The following CAST variants were observed in gnomAD, a reference collection of about 807,000 sequenced individuals.
CAST encodes the protein MIR583 host.
A neutral mutation model predicts 119.6 loss-of-function variants in CAST; 76 were observed. The observed-to-expected ratio is 0.64, with a 90% CI of 0.53 to 0.77. CAST has a LOEUF of 0.77. Among genes scored for constraint, CAST ranks in the 30% least tolerant of loss-of-function variants. CAST has a pLI of 0.00. For missense variants in CAST, 953 were observed against 946.5 expected, an observed-to-expected ratio of 1.01 and a Z score of -0.09; for synonymous variants, 319 against 331.6, an observed-to-expected ratio of 0.96 and a Z score of 0.41.
the CAST span, among the ~76,000 whole-genome samples, chr5:96,515,714 C>A: frequency 6.6e-6 from 1 of 152,124 alleles, no homozygotes; most frequent in Non-Finnish European, 1.5e-5. Context: ...TACCAGAGAG[C>A]AAGAGACAGG....
chr5:96,440,938 T>C, the CAST span, among the ~76,000 whole-genome samples: 1 of 152,144 alleles, frequency 6.6e-6, no homozygotes, highest in Non-Finnish European at 1.5e-5. Flanking sequence ...TAAGCACAGA[T>C]ATAAGAGCAG....
At chr5:96,487,084 A>G in the CAST span, among the ~76,000 whole-genome samples, 1 of 151,392 alleles carries the variant, frequency 6.6e-6, no homozygotes, top group African/African-American at 2.4e-5. Flanking sequence ...GTTGTTGTAA[A>G]GATTGGAGAG....
intron 20 of CAST, among the ~76,000 whole-genome samples, chr5:96,752,008 G>A (rs920367435): frequency 3.3e-5 from 5 of 152,134 alleles, no homozygotes; most frequent in African/African-American, 7.2e-5. Context: ...ACCCTCGAAC[G>A]CCAGAAAGAA....
At chr5:96,669,435 A>G (rs574607530) in intron 1 of CAST, among the ~76,000 whole-genome samples, 56 of 152,312 alleles carry the variant, frequency 3.7e-4, no homozygotes, top group African/African-American at 1.3e-3. Context: ...TGGTCATTCA[A>G]TCAAGAATTC....
chr5:96,397,114 G>A, the CAST span, among the ~76,000 whole-genome samples: 1 of 152,108 alleles, frequency 6.6e-6, no homozygotes, highest in Non-Finnish European at 1.5e-5. Context: ...TTATATAAGT[G>A]TTTTTCCCCC....
At chr5:96,101,962 G>T in the CAST span, among the ~76,000 whole-genome samples, 3 of 152,168 alleles carry the variant, frequency 2.0e-5, no homozygotes, top group Non-Finnish European at 4.4e-5. Flanking sequence ...CAGGCTTTGT[G>T]TGAGCCCTGT....
chr5:96,652,909 A>C (rs1353855068), intron 1 of CAST, among the ~76,000 whole-genome samples: 1 of 152,144 alleles, frequency 6.6e-6, no homozygotes, highest in African/African-American at 2.4e-5. Context: ...GGTTTGGGAG[A>C]GGTAGCTAGG....
chr5:96,585,706 A>T (rs939365674), intron 1 of CAST, among the ~76,000 whole-genome samples: 1 of 152,186 alleles, frequency 6.6e-6, no homozygotes, highest in Non-Finnish European at 1.5e-5. Flanking sequence ...TCACCCAACA[A>T]CTCATAAAAA....
At chr5:96,535,379 T>A (rs943252002) in intron 1 of CAST, among the ~76,000 whole-genome samples, 1 of 91,718 alleles carries the variant, frequency 1.1e-5, no homozygotes, top group African/African-American at 3.6e-5. Flanking sequence ...GAAGCAAAGA[T>A]AAAATGTAAA....
rs867576292 is a variant in CAST at position 96,731,448 on chromosome 5, T to A, written c.630+588T>A. On this transcript the variant is annotated intron_variant, in intron 9 of 31. Coordinates refer to ENST00000675179, the MANE Select transcript of CAST (RefSeq NM_001750.7). The stretch of plus-strand genomic sequence containing the variant: ...TTTTCTACCCATAGCAATATAGAAT[T>A]TTTTTTTTTACCTTATCCTTTAAGG... 9.3e-5 allele frequency among the ~76,000 whole-genome samples: 14 copies of A among 149,998 alleles called. 1 individual carries two copies. The highest frequency in any genetic ancestry group is 3.2e-4 in the African/African-American group (13 of 40,960).
At chr5:96,432,506 G>A in the CAST span, among the ~76,000 whole-genome samples, 1 of 152,198 alleles carries the variant, frequency 6.6e-6, no homozygotes, top group African/African-American at 2.4e-5. Flanking sequence ...GCTTCTCCCG[G>A]GGGCGCTTGG....
At chr5:96,607,377 C>A (rs961857127) in intron 1 of CAST, among the ~76,000 whole-genome samples, 1 of 152,202 alleles carries the variant, frequency 6.6e-6, no homozygotes, top group East Asian at 1.9e-4. Context: ...AAAGCCACAG[C>A]ACTTTTCACT....
At chr5:96,297,880 G>A in the CAST span, among the ~76,000 whole-genome samples, 1 of 152,096 alleles carries the variant, frequency 6.6e-6, no homozygotes, top group Non-Finnish European at 1.5e-5. Flanking sequence ...TTTCTAAATA[G>A]AATGCTTGTA....
intron 1 of CAST, among the ~76,000 whole-genome samples, chr5:96,629,843 T>C (rs999744997): frequency 4.6e-5 from 7 of 152,252 alleles, no homozygotes; most frequent in Admixed American, 4.6e-4. Flanking sequence ...ACAGCACTTA[T>C]TTAGTGTTGA....
the CAST span, among the ~76,000 whole-genome samples, chr5:95,963,727 T>A: frequency 2.1e-5 from 3 of 143,958 alleles, no homozygotes; most frequent in Non-Finnish European, 3.1e-5. Flanking sequence ...CTCTCTCTCT[T>A]TTTTTTTTTT....
the CAST span, among the ~76,000 whole-genome samples, chr5:96,458,442 A>T: frequency 6.6e-6 from 1 of 152,236 alleles, no homozygotes; most frequent in Non-Finnish European, 1.5e-5. Context: ...AAATTTAAGG[A>T]TGGAGGAGGA....
the CAST span, among the ~76,000 whole-genome samples, chr5:96,142,767 C>A: frequency 6.6e-6 from 1 of 152,314 alleles, no homozygotes; most frequent in East Asian, 1.9e-4. Context: ...AGCTTAAATA[C>A]AGGAATAAAC....
the CAST span, among the ~76,000 whole-genome samples, chr5:96,272,638 G>T: frequency 6.6e-6 from 1 of 152,116 alleles, no homozygotes; most frequent in Middle Eastern, 3.4e-3. Flanking sequence ...TAATTATTGG[G>T]TATAAATATG....
chr5:96,215,301 T>G, the CAST span: 1 of 152,100 alleles, frequency 6.6e-6, no homozygotes, highest in Non-Finnish European at 1.5e-5. Flanking sequence ...TATTATAACT[T>G]GAAACTGAAA....
Sources: allele counts gnomAD v4.1 joint callset (sites outside exome capture counted in the v4.1 genomes callset), GRCh38; gene constraint gnomAD v4.1.1; transcripts MANE v1.5; gene names NCBI Gene and HGNC (gene_info 2026-07-23, HGNC 2026-07-21).